The following PRICKLE1 variants were observed in gnomAD, a reference collection of about 807,000 sequenced individuals.
PRICKLE1 encodes prickle planar cell polarity protein 1.
A neutral mutation model predicts 70.2 loss-of-function variants in PRICKLE1; 14 were observed. That is an observed-to-expected ratio of 0.20 (90% confidence interval 0.13 to 0.31). The LOEUF is 0.31. PRICKLE1 is among the 10% of genes least tolerant of loss of function. The probability of loss-of-function intolerance (pLI) is 1.00; values close to 1 mark genes in which losing one functional copy is unlikely to be tolerated. For missense variants in PRICKLE1, 821 were observed against 1,026.2 expected, an observed-to-expected ratio of 0.80 and a Z score of 2.73; for synonymous variants, 357 against 379.9, an observed-to-expected ratio of 0.94 and a Z score of 0.70.
chr12:42,582,610 T>C (rs1386513554), intron 1 of PRICKLE1, among the ~76,000 whole-genome samples: 2 of 152,222 alleles, frequency 1.3e-5, no homozygotes, highest in Non-Finnish European at 2.9e-5. Flanking sequence ...ATTAGAGCAC[T>C]AAGCAGTCTT....
At chr12:42,501,259 C>G (rs369763078) in intron 1 of PRICKLE1, among the ~76,000 whole-genome samples, 2 of 152,006 alleles carry the variant, frequency 1.3e-5, no homozygotes, top group Non-Finnish European at 2.9e-5. Flanking sequence ...AATCACAGCA[C>G]TTTGGGAGGA....
chr12:42,544,981 C>G (rs532242185), intron 1 of PRICKLE1, among the ~76,000 whole-genome samples: 1 of 72,144 alleles, frequency 1.4e-5, no homozygotes, highest in Non-Finnish European at 2.6e-5. Flanking sequence ...AGGACTACCA[C>G]GCTGAATTTT....
intron 1 of PRICKLE1, among the ~76,000 whole-genome samples, chr12:42,504,266 C>T (rs1162355031): frequency 6.6e-6 from 1 of 151,970 alleles, no homozygotes; most frequent in East Asian, 1.9e-4. Flanking sequence ...GGCATGGTGC[C>T]AAGAAAAGAA....
chr12:42,575,092 T>TA (rs1940782448), intron 1 of PRICKLE1, among the ~76,000 whole-genome samples: 1 of 151,926 alleles, frequency 6.6e-6, no homozygotes. Context: ...ATTCATTACA[T>TA]AATGTTGTCT....
rs548219588 is a variant in PRICKLE1 at position 42,521,979 on chromosome 12, C to CTT, written c.-48-49417_-48-49416dup. On this transcript the variant is annotated intron_variant, in intron 1 of 7. Coordinates refer to ENST00000345127, the MANE Select transcript of PRICKLE1 (RefSeq NM_153026.3). The stretch of plus-strand genomic sequence containing the variant: ...GTGTGTGTGTGTGTGTGTTTAACTT[C>CTT]TTTTTTTTTTTTTTTGACAGAGTTT... Among the ~76,000 whole-genome samples the CTT allele has an allele frequency of 9.2e-5, 11 of 119,962 alleles. 1 individual carries two copies. The East Asian group carries it at 1.4e-3, about 16-fold the overall frequency. 78.7% of individuals were successfully genotyped at this position (119,962 alleles called of 152,430 possible).
chr12:42,510,768 T>C (rs1939497889), intron 1 of PRICKLE1, among the ~76,000 whole-genome samples: 1 of 152,206 alleles, frequency 6.6e-6, no homozygotes, highest in South Asian at 2.1e-4. Context: ...CCTATGTCTG[T>C]GTTATTACGG....
intron 1 of PRICKLE1, among the ~76,000 whole-genome samples, chr12:42,482,206 A>G (rs2140154758): frequency 6.6e-6 from 1 of 152,386 alleles, no homozygotes; most frequent in Non-Finnish European, 1.5e-5. Flanking sequence ...AACTCTTTCA[A>G]AGCATTCTAA....
chr12:42,474,084 C>T (rs61924370), intron 1 of PRICKLE1, among the ~76,000 whole-genome samples: 18,394 of 152,024 alleles, frequency 0.12, 1,332 homozygotes, highest in Admixed American at 0.19. Flanking sequence ...TCAGCCTGGC[C>T]AACATGGTGA....
chr12:42,483,435 C>A (rs1402032171), intron 1 of PRICKLE1: 1 of 152,064 alleles, frequency 6.6e-6, no homozygotes, highest in Non-Finnish European at 1.5e-5. Context: ...GGCCCCTGAG[C>A]CCTCGGCGCG....
At chr12:42,502,597 C>T (rs752786065) in intron 1 of PRICKLE1, among the ~76,000 whole-genome samples, 41 of 152,146 alleles carry the variant, frequency 2.7e-4, no homozygotes, top group Non-Finnish European at 5.3e-4. Flanking sequence ...AAGCATGAAC[C>T]ACCATGTCTG....
chr12:42,477,803 C>T (rs569264673), intron 1 of PRICKLE1, among the ~76,000 whole-genome samples: 40 of 152,006 alleles, frequency 2.6e-4, no homozygotes, highest in Middle Eastern at 3.4e-3. Context: ...TCACATGAAA[C>T]GGGCAGAATC....
At chr12:42,493,646 A>G (rs1939142799) in intron 1 of PRICKLE1, among the ~76,000 whole-genome samples, 1 of 152,204 alleles carries the variant, frequency 6.6e-6, no homozygotes, top group South Asian at 2.1e-4. Context: ...TACTCAGGAT[A>G]CCCTCCTTCT....
intron 1 of PRICKLE1, among the ~76,000 whole-genome samples, chr12:42,585,517 G>C (rs536437095): frequency 1.3e-5 from 2 of 152,288 alleles, no homozygotes; most frequent in Admixed American, 6.5e-5. Flanking sequence ...CAGTGGACCA[G>C]TGGCTCAGGA....
At chr12:42,586,823 T>A (rs1283748045) in intron 1 of PRICKLE1, among the ~76,000 whole-genome samples, 2 of 152,230 alleles carry the variant, frequency 1.3e-5, no homozygotes, top group Non-Finnish European at 2.9e-5. Flanking sequence ...CTTTTAAAAC[T>A]TATAATTCAG....
At chr12:42,527,661 A>G (rs562128259) in intron 1 of PRICKLE1, among the ~76,000 whole-genome samples, 13 of 152,258 alleles carry the variant, frequency 8.5e-5, no homozygotes, top group Middle Eastern at 3.4e-3. Context: ...TCAATTTGTT[A>G]AGCAGGAAGT....
chr12:42,555,991 A>G (rs1204590240), intron 1 of PRICKLE1, among the ~76,000 whole-genome samples: 1 of 152,212 alleles, frequency 6.6e-6, no homozygotes, highest in Non-Finnish European at 1.5e-5. Flanking sequence ...CTGTAACATT[A>G]TGTATCTCTT....
intron 1 of PRICKLE1, among the ~76,000 whole-genome samples, chr12:42,579,927 A>T (rs1197862926): frequency 1.3e-5 from 2 of 151,908 alleles, no homozygotes; most frequent in Non-Finnish European, 2.9e-5. Flanking sequence ...GCTGGAGTGC[A>T]ATGGCGCAAT....
intron 3 of PRICKLE1, chr12:42,469,958 C>G: frequency 1.4e-5 from 7 of 495,572 alleles, no homozygotes. Flanking sequence ...ATAAAGCATT[C>G]ACTCTGGATG....
At chr12:42,491,074 C>T (rs1939095705) in intron 1 of PRICKLE1, among the ~76,000 whole-genome samples, 3 of 151,112 alleles carry the variant, frequency 2.0e-5, no homozygotes, top group Admixed American at 2.0e-4. Flanking sequence ...AAGGTTTCAC[C>T]ATGTTGGCCA....
Sources: gnomAD v4.1 joint callset for allele counts (sites outside exome capture counted in the v4.1 genomes callset) on GRCh38, gnomAD v4.1.1 for gene constraint, MANE v1.5 for transcripts, NCBI Gene and HGNC (gene_info 2026-07-23, HGNC 2026-07-21) for gene names.